Variants in DLGAP2 observed in about 807,000 individuals in gnomAD.
DLGAP2 encodes the protein DLG associated protein 2, also known as disks large-associated protein 2.
DLGAP2 carries 26 observed loss-of-function variants against 100.3 expected under a neutral mutation model. That is an observed-to-expected ratio of 0.26 (90% CI 0.19 to 0.36). The LOEUF (loss-of-function observed/expected upper bound fraction) is 0.36. DLGAP2 is among the 10% of genes least tolerant of loss of function. The pLI, the probability that DLGAP2 is intolerant of heterozygous loss-of-function variation, is 1.00. For missense variants in DLGAP2, 1,858 were observed against 1,453.2 expected (o/e 1.28, Z -4.53); for synonymous variants, 886 against 630.1 (o/e 1.41, Z -6.08).
intron 2 of DLGAP2, among the ~76,000 whole-genome samples, chr8:1,015,271 CTG>C (rs376224829): frequency 9.8e-4 from 5 of 5,078 alleles, no homozygotes; most frequent in African/African-American, 1.6e-3. Flanking sequence ...GACGCCTCCA[CTG>C]TGTGTGTGAC....
At chr8:1,281,502 G>A (rs150832291) in intron 3 of DLGAP2, among the ~76,000 whole-genome samples, 37 of 152,286 alleles carry the variant, frequency 2.4e-4, no homozygotes, top group Middle Eastern at 3.4e-3. Flanking sequence ...CATCAGCCCC[G>A]GCGGAGACAG....
At chr8:946,989 T>C (rs1456315787) in intron 2 of DLGAP2, among the ~76,000 whole-genome samples, 1 of 152,172 alleles carries the variant, frequency 6.6e-6, no homozygotes, top group Non-Finnish European at 1.5e-5. Context: ...CAGCACCACC[T>C]GCTGGACACC....
intron 8 of DLGAP2, among the ~76,000 whole-genome samples, chr8:1,660,021 C>T (rs958085117): frequency 1.3e-5 from 2 of 152,120 alleles, no homozygotes; most frequent in Non-Finnish European, 2.9e-5. Flanking sequence ...TTCGGGAGCT[C>T]TTATAAGGCA....
intron 3 of DLGAP2, among the ~76,000 whole-genome samples, chr8:1,447,532 T>C (rs949313401): frequency 2.6e-5 from 4 of 152,248 alleles, no homozygotes; most frequent in African/African-American, 2.4e-5. Context: ...ATCAAGGATA[T>C]TGGTGTAAAA....
At chr8:762,628 C>T (rs934552977) in intron 1 of DLGAP2, among the ~76,000 whole-genome samples, 2 of 152,060 alleles carry the variant, frequency 1.3e-5, no homozygotes, top group African/African-American at 2.4e-5. Context: ...GTGAGTATGA[C>T]TCTTGAGGTC....
intron 2 of DLGAP2, among the ~76,000 whole-genome samples, chr8:1,217,672 C>G (rs1053188304): frequency 4.7e-4 from 71 of 152,144 alleles, no homozygotes; most frequent in Middle Eastern, 3.4e-3. Context: ...TAGCTATATT[C>G]CAAGGAATTT....
At chr8:1,548,407 C>T (rs1801619353) in intron 4 of DLGAP2, among the ~76,000 whole-genome samples, 1 of 134,262 alleles carries the variant, frequency 7.4e-6, no homozygotes, top group Admixed American at 8.6e-5. Context: ...TGCAGTGAGC[C>T]GTGATCGCGC....
At chr8:1,410,631 G>A (rs1434436129) in intron 3 of DLGAP2, among the ~76,000 whole-genome samples, 2 of 152,164 alleles carry the variant, frequency 1.3e-5, no homozygotes, top group Non-Finnish European at 2.9e-5. Context: ...TCCTGGGGGA[G>A]CTTGTAAGTA....
chr8:1,595,784 T>TA (rs1796438891), intron 6 of DLGAP2, among the ~76,000 whole-genome samples: 1 of 152,040 alleles, frequency 6.6e-6, no homozygotes, highest in Non-Finnish European at 1.5e-5. Flanking sequence ...TATTATTTTT[T>TA]AACTATAAAT....
At chr8:1,318,778 G>C (rs1585255135) in intron 3 of DLGAP2, among the ~76,000 whole-genome samples, 3 of 105,570 alleles carry the variant, frequency 2.8e-5, no homozygotes, top group African/African-American at 4.3e-5. Context: ...TCAGTGATCA[G>C]CCCCCCCCCC....
chr8:1,530,750 A>G (rs530538550), intron 4 of DLGAP2, among the ~76,000 whole-genome samples: 59 of 152,384 alleles, frequency 3.9e-4, no homozygotes, highest in African/African-American at 1.3e-3. Flanking sequence ...GGCTTCAGCC[A>G]GTCCCTCCGT....
At chr8:762,736 C>T (rs953141489) in intron 1 of DLGAP2, among the ~76,000 whole-genome samples, 16 of 152,084 alleles carry the variant, frequency 1.1e-4, no homozygotes, top group African/African-American at 3.6e-4. Flanking sequence ...GTGGCACAGT[C>T]ACCACAATCA....
chr8:1,131,604 C>G (rs1291504398), intron 2 of DLGAP2, among the ~76,000 whole-genome samples: 2 of 152,142 alleles, frequency 1.3e-5, no homozygotes, highest in South Asian at 2.1e-4. Flanking sequence ...TAGGGGGACA[C>G]GAACACCTGC....
At chr8:1,174,145 C>G (rs1428140001) in intron 2 of DLGAP2, among the ~76,000 whole-genome samples, 2 of 152,134 alleles carry the variant, frequency 1.3e-5, no homozygotes, top group African/African-American at 4.8e-5. Context: ...CGGGCTGGAA[C>G]TGGGTATTGA....
At position 1,437,658 on chromosome 8, in the gene DLGAP2, T is replaced by C. The variant is rs555544573; in HGVS notation, c.107-63708T>C. Among the ~76,000 whole-genome samples the C allele has an allele frequency of 2.5e-3, 383 of 152,086 alleles. 1 individual carries two copies. The highest frequency in any genetic ancestry group is 4.4e-3 in the Non-Finnish European group (296 of 67,994). The stretch of plus-strand genomic sequence containing the variant: ...TCCATCAGCTTTTTTTCTGTAAATA[T>C]GCATCAGTTTATACATTAAAAATAA... On this transcript the variant is annotated intron_variant, in intron 3 of 14. Transcript: ENST00000637795.
intron 2 of DLGAP2, among the ~76,000 whole-genome samples, chr8:1,055,631 C>T (rs112694492): frequency 1.8e-4 from 28 of 152,330 alleles, no homozygotes; most frequent in African/African-American, 6.0e-4. Flanking sequence ...CCGGGTAGGA[C>T]GCTGGAAACA....
chr8:1,580,096 C>A (rs1803166936), intron 6 of DLGAP2, among the ~76,000 whole-genome samples: 1 of 152,188 alleles, frequency 6.6e-6, no homozygotes, highest in South Asian at 2.1e-4. Flanking sequence ...AAGATTTCAT[C>A]AAAATTTAGG....
At position 1,605,925 on chromosome 8, in the gene DLGAP2, G is replaced by A. The variant is rs148566600; in HGVS notation, c.1443-20815G>A. ...CAGGCTCAAATCTCAGCTCGAGCTC[G>A]TGCTGTAGAACGTGTCACCTCTGAG... On this transcript the variant is annotated intron_variant, in intron 6 of 14. Transcript: ENST00000637795. Among the ~76,000 whole-genome samples, 460 of 152,352 alleles carry A rather than the reference G, an allele frequency of 3.0e-3. 4 individuals carry two copies. The highest frequency in any genetic ancestry group is 0.01 in the African/African-American group (418 of 41,582).
chr8:1,380,231 A>T (rs1452481001), intron 3 of DLGAP2: 1 of 152,218 alleles, frequency 6.6e-6, no homozygotes, highest in Non-Finnish European at 1.5e-5. Flanking sequence ...TTCAGGCAGC[A>T]AAGCGCTTTG....
Sources: gnomAD v4.1 joint callset for allele counts (sites outside exome capture counted in the v4.1 genomes callset) on GRCh38, gnomAD v4.1.1 for gene constraint, MANE v1.5 for transcripts, NCBI Gene and HGNC (gene_info 2026-07-23, HGNC 2026-07-21) for gene names.